Variants in MBNL1 observed in about 807,000 individuals in gnomAD.
The protein encoded by MBNL1 is muscleblind-like protein 1.
In MBNL1, 8 loss-of-function variants were observed where a neutral mutation model predicts 42.2. The ratio of observed to expected loss-of-function variants is 0.19; its 90% CI spans 0.11 to 0.34. The LOEUF (loss-of-function observed/expected upper bound fraction) is 0.34. Ranked by LOEUF, MBNL1 falls within the 10% of genes least tolerant of loss-of-function variation. The pLI, the probability that MBNL1 is intolerant of heterozygous loss-of-function variation, is 1.00. For missense variants in MBNL1, 309 were observed against 495.3 expected (o/e 0.62, Z 3.57); for synonymous variants, 169 against 173.9 (o/e 0.97, Z 0.22).
upstream of MBNL1, chr3:152,267,963 G>A (rs947546334): frequency 1.3e-5 from 2 of 152,130 alleles, no homozygotes; most frequent in Admixed American, 6.5e-5. Context: ...ACATTCAAAG[G>A]AAATCCTGCC....
At chr3:152,260,670 G>A (rs894209407) in intron 2 of MBNL1, among the ~76,000 whole-genome samples, 3 of 152,202 alleles carry the variant, frequency 2.0e-5, no homozygotes, top group African/African-American at 7.2e-5. Flanking sequence ...GCAAGAGACA[G>A]GGTATAGAAT....
chr3:152,329,564 G>T (rs2082702760), intron 2 of MBNL1, among the ~76,000 whole-genome samples: 1 of 151,156 alleles, frequency 6.6e-6, no homozygotes, highest in Admixed American at 6.6e-5. Context: ...TGGGAGGATT[G>T]CATGAGCTTG....
At chr3:152,327,239 GGT>G (rs1403273830) in intron 2 of MBNL1, among the ~76,000 whole-genome samples, 3 of 152,058 alleles carry the variant, frequency 2.0e-5, no homozygotes, top group Admixed American at 2.0e-4. Flanking sequence ...GCCTCTGTAT[GGT>G]TGAATTTATT....
chr3:152,283,275 T>C (rs1270798418), intron 1 of MBNL1, among the ~76,000 whole-genome samples: 1 of 152,222 alleles, frequency 6.6e-6, no homozygotes, highest in African/African-American at 2.4e-5. Context: ...GTGTTGCATC[T>C]ACAACTTTCC....
At position 152,364,230 on chromosome 3, in the gene MBNL1, C is replaced by T. The variant is rs145413257; in HGVS notation, c.175-50711C>T. 4.3e-3 allele frequency among the ~76,000 whole-genome samples: 658 copies of T among 152,056 alleles called. 3 individuals are homozygous for T. Among genetic ancestry groups the T allele is most frequent in the African/African-American group, 0.015 (640 of 41,494 alleles). On this transcript the variant is annotated intron_variant, in intron 2 of 9. Transcript: ENST00000324210. Reference sequence around the variant, plus strand: ...CTCAAGAAATAGCATCTTTATTTAGCGGTGCCTACATCTTTTATGTTTAAA... The same window carrying T: ...CTCAAGAAATAGCATCTTTATTTAGTGGTGCCTACATCTTTTATGTTTAAA...
At chr3:152,325,771 C>T (rs2079452230) in intron 2 of MBNL1, among the ~76,000 whole-genome samples, 2 of 145,628 alleles carry the variant, frequency 1.4e-5, no homozygotes, top group African/African-American at 2.6e-5. Context: ...TCCTTAATTG[C>T]TCTTCCAGAT....
intron 2 of MBNL1, among the ~76,000 whole-genome samples, chr3:152,305,468 G>A (rs1465744392): frequency 6.6e-6 from 1 of 151,912 alleles, no homozygotes; most frequent in Non-Finnish European, 1.5e-5. Context: ...TTACAAAGAG[G>A]TCCTATTGAG....
chr3:152,439,109 T>C (rs2099115017), intron 4 of MBNL1, among the ~76,000 whole-genome samples: 2 of 152,228 alleles, frequency 1.3e-5, no homozygotes, highest in Non-Finnish European at 2.9e-5. Context: ...ATAAAATAAA[T>C]TATTCTTGGC....
At chr3:152,250,586 C>A (rs2034347332) in intron 2 of MBNL1, among the ~76,000 whole-genome samples, 1 of 151,850 alleles carries the variant, frequency 6.6e-6, no homozygotes, top group Non-Finnish European at 1.5e-5. Context: ...TTGACTTCCT[C>A]TTTTCCTAAT....
intron 2 of MBNL1, among the ~76,000 whole-genome samples, chr3:152,360,637 CTTCA>C (rs1380482136): frequency 6.6e-6 from 1 of 152,006 alleles, no homozygotes; most frequent in Admixed American, 6.6e-5. Context: ...TCTGTTGACC[CTTCA>C]TTAAGTAGTT....
rs574913863 is a variant in MBNL1, at chr3:152,346,209, T to C, written c.174+45842T>C. Among the ~76,000 whole-genome samples the C allele has an allele frequency of 4.1e-4, 63 of 152,162 alleles. No homozygotes were observed. In the Middle Eastern group the frequency reaches 0.017, roughly 41 times the overall value. ...CAGCTAAGCTTAAGACAAAAAACAATGTGAAGTTATGTCCTTGGGCAGTGT... is the reference window on the plus strand; with the variant it reads ...CAGCTAAGCTTAAGACAAAAAACAACGTGAAGTTATGTCCTTGGGCAGTGT... On this transcript the variant is annotated intron_variant, in intron 2 of 9. Coordinates refer to ENST00000324210, the MANE Select transcript of MBNL1 (RefSeq NM_021038.5).
At chr3:152,374,304 G>T (rs1349595804) in intron 2 of MBNL1, among the ~76,000 whole-genome samples, 1 of 152,114 alleles carries the variant, frequency 6.6e-6, no homozygotes, top group East Asian at 1.9e-4. Flanking sequence ...GAGTTGGATG[G>T]AGAAGGGTCA....
At chr3:152,314,492 C>G (rs186418914) in intron 2 of MBNL1, among the ~76,000 whole-genome samples, 7 of 152,174 alleles carry the variant, frequency 4.6e-5, no homozygotes, top group Admixed American at 3.9e-4. Context: ...TCTCCTGCCT[C>G]AGCCTCCCAA....
At chr3:152,306,330 G>A (rs956553145) in intron 2 of MBNL1, among the ~76,000 whole-genome samples, 2 of 152,150 alleles carry the variant, frequency 1.3e-5, no homozygotes, top group Non-Finnish European at 2.9e-5. Flanking sequence ...TCTATTTGGC[G>A]ACTCTATAGT....
chr3:152,317,381 G>T (rs543768943), intron 2 of MBNL1, among the ~76,000 whole-genome samples: 1 of 151,934 alleles, frequency 6.6e-6, no homozygotes, highest in Admixed American at 6.6e-5. Flanking sequence ...GTGCAGTGGC[G>T]CAATCTTAGC....
intron 2 of MBNL1, among the ~76,000 whole-genome samples, chr3:152,381,897 T>C (rs923246231): frequency 4.7e-4 from 72 of 152,082 alleles, no homozygotes; most frequent in African/African-American, 1.7e-3. Context: ...ATTGCTTGAT[T>C]AACCTATACT....
chr3:152,266,796 A>C (rs2037303591), upstream of MBNL1: 3 of 152,266 alleles, frequency 2.0e-5, no homozygotes, highest in Admixed American at 1.3e-4. Flanking sequence ...CATTCCCTGC[A>C]TGAGTCATTT....
chr3:152,396,089 A>G (rs1206172624), intron 2 of MBNL1: 1 of 244,694 alleles, frequency 4.1e-6, no homozygotes, highest in Non-Finnish European at 8.1e-6. Context: ...TGAACTGTGC[A>G]TGCAGGGGAT....
chr3:152,288,579 TA>T (rs997233188), intron 1 of MBNL1, among the ~76,000 whole-genome samples: 1 of 152,226 alleles, frequency 6.6e-6, no homozygotes, highest in Non-Finnish European at 1.5e-5. Context: ...TATAATGTAT[TA>T]AAAAAAGCAT....
Sources: allele counts gnomAD v4.1 joint callset (sites outside exome capture counted in the v4.1 genomes callset), GRCh38; gene constraint gnomAD v4.1.1; transcripts MANE v1.5; gene names NCBI Gene and HGNC (gene_info 2026-07-23, HGNC 2026-07-21).